Variants in SNTG1 observed in about 807,000 individuals in gnomAD.
The protein encoded by SNTG1 is gamma-1-syntrophin.
In SNTG1, 39 loss-of-function variants were observed where a neutral mutation model predicts 74.7. That is an observed-to-expected ratio of 0.52 (90% CI 0.40 to 0.68). The LOEUF (loss-of-function observed/expected upper bound fraction) is 0.68. SNTG1 is among the 30% of genes least tolerant of loss of function. The probability of loss-of-function intolerance (pLI) is 0.00; values close to 1 mark genes in which losing one functional copy is unlikely to be tolerated. For missense variants in SNTG1, 685 were observed against 609.5 expected (o/e 1.12, Z -1.30); for synonymous variants, 254 against 217.1 (o/e 1.17, Z -1.49).
At position 50,501,705 on chromosome 8, in the gene SNTG1, G is replaced by T. The variant is rs188621120; in HGVS notation, c.364-1073G>T. Reference sequence around the variant, plus strand: ...ACTCCAGACCTCAGATGATCCACCTGCCTCGGTCTCCCAAAGTGCTGGGAT... The same window carrying T: ...ACTCCAGACCTCAGATGATCCACCTTCCTCGGTCTCCCAAAGTGCTGGGAT... On this transcript the variant is annotated intron_variant, in intron 8 of 18. Transcript: ENST00000642720. Among the ~76,000 whole-genome samples, 380 of 150,716 alleles carry T rather than the reference G, an allele frequency of 2.5e-3. 6 individuals carry two copies. Among genetic ancestry groups the T allele is most frequent in the Middle Eastern group, 3.4e-3 (1 of 290 alleles).
intron 18 of SNTG1, among the ~76,000 whole-genome samples, chr8:50,773,669 T>G (rs905496616): frequency 2.6e-5 from 4 of 152,092 alleles, no homozygotes; most frequent in Non-Finnish European, 5.9e-5. Flanking sequence ...TCCAAGAATA[T>G]TCTTTGAAAT....
At chr8:50,311,416 T>C (rs998331002) in intron 2 of SNTG1, among the ~76,000 whole-genome samples, 2 of 152,216 alleles carry the variant, frequency 1.3e-5, no homozygotes, top group Admixed American at 1.3e-4. Context: ...TATAATCATG[T>C]TTTGATGAGG....
chr8:50,342,573 A>G (rs942508325), intron 2 of SNTG1, among the ~76,000 whole-genome samples: 3 of 152,202 alleles, frequency 2.0e-5, no homozygotes, highest in African/African-American at 4.8e-5. Flanking sequence ...TTTAAAACAC[A>G]TCTATTGTGT....
At chr8:49,958,232 C>T (rs1810357061) in intron 1 of SNTG1, among the ~76,000 whole-genome samples, 1 of 152,096 alleles carries the variant, frequency 6.6e-6, no homozygotes. Context: ...TTTAGGTTCA[C>T]TGTAGGGCTG....
chr8:50,077,803 C>G (rs1822029987), intron 1 of SNTG1, among the ~76,000 whole-genome samples: 2 of 152,016 alleles, frequency 1.3e-5, no homozygotes, highest in Non-Finnish European at 2.9e-5. Context: ...ATCATAAAGA[C>G]TTTCTTGTGT....
chr8:50,623,506 T>C (rs2094936691), intron 13 of SNTG1, among the ~76,000 whole-genome samples: 1 of 152,124 alleles, frequency 6.6e-6, no homozygotes, highest in Admixed American at 6.5e-5. Flanking sequence ...AGGAAGAACC[T>C]ATTTAATTCA....
chr8:50,492,027 T>C (rs2093860937), intron 8 of SNTG1, among the ~76,000 whole-genome samples: 1 of 152,134 alleles, frequency 6.6e-6, no homozygotes, highest in Non-Finnish European at 1.5e-5. Flanking sequence ...AGAATGATGG[T>C]GTCCAGCTTC....
At chr8:50,674,626 T>A (rs2131362195) in intron 15 of SNTG1, among the ~76,000 whole-genome samples, 1 of 152,148 alleles carries the variant, frequency 6.6e-6, no homozygotes, top group Non-Finnish European at 1.5e-5. Flanking sequence ...AGCACCTGGA[T>A]TTATTGATTT....
chr8:49,972,674 A>AG (rs983179741), intron 1 of SNTG1, among the ~76,000 whole-genome samples: 1 of 151,498 alleles, frequency 6.6e-6, no homozygotes, highest in Non-Finnish European at 1.5e-5. Flanking sequence ...TTACAAGAAA[A>AG]AAAAACAACC....
chr8:50,796,333 C>T lies in SNTG1; in HGVS notation c.*3504C>T, dbSNP rs1204439263. ...TAATATTGCTGTGCTCATAATTTCT[C>T]CTTATGAAATTGCTTTATTCATACT... On this transcript the variant is annotated 3_prime_UTR_variant, in exon 19 of 19. Transcript: ENST00000642720. 6.6e-6 allele frequency: 1 copy of T among 151,832 alleles called. No homozygotes were observed. The highest frequency in any genetic ancestry group is 1.9e-4 in the East Asian group (1 of 5,178). The allele number at this position is 151,832 out of a possible 1,614,324, so 9.4% of individuals were successfully genotyped here.
intron 2 of SNTG1, among the ~76,000 whole-genome samples, chr8:50,217,010 T>C (rs976911063): frequency 3.3e-5 from 5 of 151,280 alleles, no homozygotes; most frequent in South Asian, 2.1e-4. Context: ...ATTTATAAAA[T>C]ATATATATAT....
chr8:50,519,107 C>T lies in SNTG1; in HGVS notation c.467-11070C>T, dbSNP rs537888177. On this transcript the variant is annotated intron_variant, in intron 9 of 18. Transcript: ENST00000642720. Reference sequence around the variant, plus strand: ...AGCACATCAAAAAGCTTATCCACCACGATCAAGCCGGCTTCATCCCTGGGA... The same window carrying T: ...AGCACATCAAAAAGCTTATCCACCATGATCAAGCCGGCTTCATCCCTGGGA... Among the ~76,000 whole-genome samples, 15 of 152,240 alleles carry T rather than the reference C, an allele frequency of 9.9e-5. No homozygotes were observed. In the East Asian group the frequency reaches 2.1e-3, roughly 22 times the overall value.
intron 2 of SNTG1, among the ~76,000 whole-genome samples, chr8:50,214,138 C>G (rs1377779730): frequency 6.6e-6 from 1 of 150,934 alleles, no homozygotes; most frequent in African/African-American, 2.4e-5. Flanking sequence ...AATCATCATT[C>G]TCAGTAAACT....
chr8:50,482,591 C>G (rs2093749999), intron 8 of SNTG1, among the ~76,000 whole-genome samples: 1 of 152,082 alleles, frequency 6.6e-6, no homozygotes. Context: ...AGTAAATAGC[C>G]TACAGATTAT....
At chr8:50,783,290 G>A (rs949115032) in intron 18 of SNTG1, among the ~76,000 whole-genome samples, 5 of 152,194 alleles carry the variant, frequency 3.3e-5, no homozygotes, top group African/African-American at 1.2e-4. Flanking sequence ...TCTGTGCCCT[G>A]CCCCCAGAGG....
chr8:50,222,644 G>C lies in SNTG1; in HGVS notation c.-28+50009G>C, dbSNP rs185135964. Among the ~76,000 whole-genome samples the C allele has an allele frequency of 2.6e-5, 4 of 152,252 alleles. No individual in the cohort carries two copies. The East Asian group carries it at 7.7e-4, about 29-fold the overall frequency. On this transcript the variant is annotated intron_variant, in intron 2 of 18. Coordinates refer to ENST00000642720, the MANE Select transcript of SNTG1 (RefSeq NM_018967.5). ...TTTTGACCACTGACTTCAAGGCATT[G>C]TGGGGACATTAGTTTGCCGCTAGGG...
chr8:50,181,836 T>A (rs2083216655), intron 2 of SNTG1, among the ~76,000 whole-genome samples: 1 of 152,206 alleles, frequency 6.6e-6, no homozygotes, highest in African/African-American at 2.4e-5. Context: ...CTGCATATTA[T>A]TTCTTAATAT....
At chr8:50,458,494 A>G (rs551580223) in intron 8 of SNTG1, among the ~76,000 whole-genome samples, 71 of 152,278 alleles carry the variant, frequency 4.7e-4, no homozygotes, top group African/African-American at 1.7e-3. Context: ...AATAATTTTT[A>G]CACTGAACCA....
At chr8:50,364,888 A>C (rs1178807221) in intron 2 of SNTG1, among the ~76,000 whole-genome samples, 1 of 152,062 alleles carries the variant, frequency 6.6e-6, no homozygotes, top group Non-Finnish European at 1.5e-5. Context: ...GAAAAAGCTG[A>C]GTTTAAAATA....
Sources: gnomAD v4.1 joint callset for allele counts (sites outside exome capture counted in the v4.1 genomes callset) on GRCh38, gnomAD v4.1.1 for gene constraint, MANE v1.5 for transcripts, NCBI Gene and HGNC (gene_info 2026-07-23, HGNC 2026-07-21) for gene names.